Variants in MYZAP observed in about 807,000 individuals in gnomAD.
MYZAP encodes the protein GRINL1A complex locus upstream.
Under a neutral mutation model 69.4 loss-of-function variants are expected in MYZAP, and 66 were observed. The ratio of observed to expected loss-of-function variants is 0.95; its 90% CI spans 0.78 to 1.17. The LOEUF is 1.17. Among genes scored for constraint, MYZAP ranks in the 50% most tolerant of loss-of-function variants. The pLI is 0.00. For missense variants in MYZAP, 611 were observed against 556.2 expected, an observed-to-expected ratio of 1.10 and a Z score of -0.99; for synonymous variants, 256 against 205.9, an observed-to-expected ratio of 1.24 and a Z score of -2.09.
intron 9 of MYZAP, 60 bp downstream of exon 9, chr15:57,637,834 A>G: frequency 1.3e-6 from 2 of 1,516,290 alleles, no homozygotes; most frequent in Middle Eastern, 1.7e-4. Context: ...CTGTGTTTTT[A>G]TGACCTCATT....
intron 11 of MYZAP, among the ~76,000 whole-genome samples, chr15:57,663,929 A>G (rs1455506778): frequency 6.6e-6 from 1 of 152,188 alleles, no homozygotes; most frequent in Admixed American, 6.5e-5. Flanking sequence ...TGGCCACTTC[A>G]CACATCCACC....
intron 12 of MYZAP, among the ~76,000 whole-genome samples, chr15:57,676,410 GTATATATA>G (rs766570205): frequency 0.25 from 6,441 of 25,570 alleles, 196 homozygotes; most frequent in Admixed American, 0.3. Context: ...ATATATATAT[GTATATATA>G]TGTGTATATA....
Position 57,648,526 on chromosome 15 carries a change from C to T in MYZAP, c.1119+8981C>T, listed in dbSNP as rs993485183. The T allele has an allele frequency of 8.4e-5, 82 of 971,536 alleles. No individual in the cohort carries two copies. The African/African-American group carries it at 9.5e-4, about 11-fold the overall frequency. The allele number at this position is 971,536 out of a possible 1,614,324, so 60.2% of individuals were successfully genotyped here. On this transcript the variant is annotated intron_variant, in intron 10 of 12. Transcript: ENST00000267853. The stretch of plus-strand genomic sequence containing the variant: ...TCAATCATCTCTGGAAGGTATTATT[C>T]GCCCAGTTTTTTAAGCATGGGAAAC...
intron 1 of MYZAP, among the ~76,000 whole-genome samples, chr15:57,593,133 T>C (rs2033792651): frequency 8.0e-6 from 1 of 124,530 alleles, no homozygotes; most frequent in Non-Finnish European, 1.7e-5. Context: ...AACTGATGGA[T>C]TCTGGGGTGT....
chr15:57,635,749 G>A (rs1365333355), intron 8 of MYZAP, among the ~76,000 whole-genome samples: 1 of 152,210 alleles, frequency 6.6e-6, no homozygotes, highest in Non-Finnish European at 1.5e-5. Context: ...CTACGTGAAC[G>A]GCATGTCCTA....
intron 4 of MYZAP, among the ~76,000 whole-genome samples, chr15:57,625,393 C>G (rs1193993651): frequency 6.6e-6 from 1 of 152,154 alleles, no homozygotes; most frequent in Non-Finnish European, 1.5e-5. Context: ...CATATTCTCT[C>G]CATGGTGACT....
At chr15:57,677,078 G>A (rs2039175457) in intron 12 of MYZAP, among the ~76,000 whole-genome samples, 1 of 152,210 alleles carries the variant, frequency 6.6e-6, no homozygotes, top group African/African-American at 2.4e-5. Flanking sequence ...GGAAGTCTGG[G>A]TGGGGAGGAG....
chr15:57,628,851 G>T (rs575353312), intron 5 of MYZAP, among the ~76,000 whole-genome samples: 1 of 152,160 alleles, frequency 6.6e-6, no homozygotes, highest in East Asian at 1.9e-4. Context: ...TTGGGAGGCC[G>T]AGTCAGGTGG....
At chr15:57,595,590 C>T (rs1415637791) in intron 1 of MYZAP, among the ~76,000 whole-genome samples, 2 of 151,854 alleles carry the variant, frequency 1.3e-5, no homozygotes, top group African/African-American at 4.8e-5. Flanking sequence ...CCGGGTCACA[C>T]AACTGACCTT....
intron 9 of MYZAP, among the ~76,000 whole-genome samples, chr15:57,638,797 C>A (rs987086730): frequency 5.9e-5 from 9 of 152,218 alleles, no homozygotes; most frequent in African/African-American, 1.9e-4. Context: ...TGATTCCAGA[C>A]CTTTTGGTAT....
chr15:57,599,023 GTTTACAGAGTGC>G (rs1193024573), intron 1 of MYZAP, among the ~76,000 whole-genome samples: 1 of 152,186 alleles, frequency 6.6e-6, no homozygotes, highest in Non-Finnish European at 1.5e-5. Flanking sequence ...AATAAAGAAT[GTTTACAGAGTGC>G]TTAATGCGTG....
At chr15:57,630,998 G>A (rs1424084647) in intron 6 of MYZAP, among the ~76,000 whole-genome samples, 3 of 152,186 alleles carry the variant, frequency 2.0e-5, no homozygotes, top group Admixed American at 1.3e-4. Flanking sequence ...TTGCCGCCCT[G>A]GGGATCTGCT....
intron 2 of MYZAP, among the ~76,000 whole-genome samples, chr15:57,610,682 G>A (rs1470690745): frequency 6.6e-6 from 1 of 152,148 alleles, no homozygotes; most frequent in Admixed American, 6.6e-5. Flanking sequence ...GATAAATGTG[G>A]AAGTTCTATT....
At chr15:57,635,680 G>GT (rs1278733352) in intron 8 of MYZAP, among the ~76,000 whole-genome samples, 1 of 152,228 alleles carries the variant, frequency 6.6e-6, no homozygotes, top group Non-Finnish European at 1.5e-5. Context: ...AATTTACACT[G>GT]TTTCCTTTTC....
intron 2 of MYZAP, among the ~76,000 whole-genome samples, chr15:57,613,892 T>C (rs1055109821): frequency 6.6e-6 from 1 of 150,524 alleles, no homozygotes; most frequent in Non-Finnish European, 1.5e-5. Context: ...ATCATAATGC[T>C]CTTCTGCCTA....
chr15:57,593,740 C>G (rs2033874596), intron 1 of MYZAP, among the ~76,000 whole-genome samples: 2 of 152,172 alleles, frequency 1.3e-5, no homozygotes, highest in Admixed American at 1.3e-4. Context: ...TCAGGCCATT[C>G]AGGGCTGTCC....
chr15:57,612,962 C>T (rs1256475444), intron 2 of MYZAP, among the ~76,000 whole-genome samples: 2 of 151,950 alleles, frequency 1.3e-5, no homozygotes, highest in Non-Finnish European at 2.9e-5. Flanking sequence ...GACGGAGTCT[C>T]GCTCTGTCGC....
intron 10 of MYZAP, among the ~76,000 whole-genome samples, chr15:57,654,815 T>G (rs2037927882): frequency 6.6e-6 from 1 of 152,192 alleles, no homozygotes; most frequent in African/African-American, 2.4e-5. Context: ...CCATACTACA[T>G]TTTTGTACAA....
At chr15:57,635,963 A>G (rs1222290940) in intron 8 of MYZAP, among the ~76,000 whole-genome samples, 4 of 152,216 alleles carry the variant, frequency 2.6e-5, no homozygotes, top group African/African-American at 4.8e-5. Flanking sequence ...TGGGGAACAG[A>G]TAATAGTCTA....
Sources: gnomAD v4.1 joint callset for allele counts (sites outside exome capture counted in the v4.1 genomes callset) on GRCh38, gnomAD v4.1.1 for gene constraint, MANE v1.5 for transcripts, NCBI Gene and HGNC (gene_info 2026-07-23, HGNC 2026-07-21) for gene names.